KHDRBS3: variants seen among roughly 807,000 people sequenced by gnomAD.
The protein encoded by KHDRBS3 is KH domain-containing, RNA-binding, signal transduction-associated protein 3.
Under a neutral mutation model 45.6 loss-of-function variants are expected in KHDRBS3, and 23 were observed. The ratio of observed to expected loss-of-function variants is 0.50; its 90% CI spans 0.36 to 0.72. The LOEUF (loss-of-function observed/expected upper bound fraction) is 0.72. KHDRBS3 is among the 30% of genes least tolerant of loss of function. The probability of loss-of-function intolerance (pLI) is 0.00; values close to 1 mark genes in which losing one functional copy is unlikely to be tolerated. For synonymous variants in KHDRBS3, 162 were observed against 156.5 expected, an observed-to-expected ratio of 1.04 and a Z score of -0.26; for missense variants, 352 against 424.8, an observed-to-expected ratio of 0.83 and a Z score of 1.51.
chr8:135,599,091 CTGT>C (rs1445963336), intron 6 of KHDRBS3, among the ~76,000 whole-genome samples: 1 of 152,140 alleles, frequency 6.6e-6, no homozygotes, highest in African/African-American at 2.4e-5. Flanking sequence ...CAAGATTTCT[CTGT>C]TGTTTGGCCA....
chr8:135,568,937 G>A (rs1261306567), intron 5 of KHDRBS3, among the ~76,000 whole-genome samples: 3 of 151,974 alleles, frequency 2.0e-5, no homozygotes, highest in Non-Finnish European at 4.4e-5. Context: ...AGTTTATATT[G>A]AAGAACCATG....
intron 1 of KHDRBS3, among the ~76,000 whole-genome samples, chr8:135,509,042 T>G (rs1563730922): frequency 6.6e-6 from 1 of 152,194 alleles, no homozygotes; most frequent in Non-Finnish European, 1.5e-5. Flanking sequence ...TCTCAGTCAT[T>G]TGTTGTCCTC....
intron 5 of KHDRBS3, among the ~76,000 whole-genome samples, chr8:135,559,475 C>A (rs562902318): frequency 1.3e-5 from 2 of 152,268 alleles, no homozygotes; most frequent in East Asian, 3.9e-4. Context: ...GCCTCAGCCT[C>A]CCGAGTAGCT....
Position 135,494,273 on chromosome 8 carries a change from A to ATTTTTTTTTTTT in KHDRBS3, c.89-26952_89-26941dup, listed in dbSNP as rs386414089. Among the ~76,000 whole-genome samples, 6 of 78,624 alleles carry ATTTTTTTTTTTT rather than the reference A, an allele frequency of 7.6e-5. 1 individual carries two copies. Among genetic ancestry groups the ATTTTTTTTTTTT allele is most frequent in the African/African-American group, 2.8e-4 (5 of 17,620 alleles). 51.6% of individuals were successfully genotyped at this position (78,624 alleles called of 152,430 possible). A position where few individuals can be genotyped will look rare whatever the true frequency, so the allele number is the denominator to read the frequency against. On this transcript the variant is annotated intron_variant, in intron 1 of 8. Coordinates refer to ENST00000355849, the MANE Select transcript of KHDRBS3 (RefSeq NM_006558.3). ...TATTTTTTCCTCTTCTGTTTCTCTT[A>ATTTTTTTTTTTT]TTTTTTTTTTTTTTTTTTTTTTTGA... is the stretch of plus-strand genomic sequence containing the variant.
intron 1 of KHDRBS3, among the ~76,000 whole-genome samples, chr8:135,506,455 G>A (rs2130546325): frequency 2.7e-5 from 4 of 150,416 alleles, no homozygotes; most frequent in Middle Eastern, 6.8e-3. Context: ...CCAGGCTGGA[G>A]TGTAGTGGCG....
At chr8:135,550,669 C>G (rs1826543226) in intron 4 of KHDRBS3, among the ~76,000 whole-genome samples, 1 of 151,858 alleles carries the variant, frequency 6.6e-6, no homozygotes, top group Non-Finnish European at 1.5e-5. Flanking sequence ...AATTGTCCAC[C>G]TTTGTTCTTT....
chr8:135,578,444 A>G (rs543667637), intron 5 of KHDRBS3, among the ~76,000 whole-genome samples: 4 of 148,774 alleles, frequency 2.7e-5, no homozygotes, highest in Admixed American at 2.7e-4. Flanking sequence ...TAGCTTATTG[A>G]TATTCACTTG....
chr8:135,492,512 T>C (rs1586601680), intron 1 of KHDRBS3, among the ~76,000 whole-genome samples: 1 of 81,184 alleles, frequency 1.2e-5, no homozygotes, highest in African/African-American at 4.1e-5. Context: ...TACATATATA[T>C]ATACATATAT....
At chr8:135,642,527 A>G (rs1563827787) in intron 7 of KHDRBS3, among the ~76,000 whole-genome samples, 1 of 152,206 alleles carries the variant, frequency 6.6e-6, no homozygotes, top group South Asian at 2.1e-4. Flanking sequence ...CTGTGGCTAC[A>G]TGTACCTCTG....
intron 7 of KHDRBS3, among the ~76,000 whole-genome samples, chr8:135,643,853 G>A (rs975671931): frequency 3.3e-5 from 5 of 152,320 alleles, no homozygotes; most frequent in African/African-American, 7.2e-5. Flanking sequence ...ATCCGAGGCC[G>A]GGGGTGATGT....
intron 5 of KHDRBS3, among the ~76,000 whole-genome samples, chr8:135,565,956 T>C (rs1444846947): frequency 6.6e-6 from 1 of 152,252 alleles, no homozygotes; most frequent in Non-Finnish European, 1.5e-5. Flanking sequence ...ATTAGTTTTT[T>C]GCCTAAGGTT....
chr8:135,652,142 G>GA (rs1164577990), downstream of KHDRBS3, among the ~76,000 whole-genome samples: 4 of 152,080 alleles, frequency 2.6e-5, no homozygotes, highest in Non-Finnish European at 5.9e-5. Context: ...GGACAGAAAG[G>GA]AAAAAATCCA....
At chr8:135,510,302 T>C (rs1164698074) in intron 1 of KHDRBS3, among the ~76,000 whole-genome samples, 1 of 152,134 alleles carries the variant, frequency 6.6e-6, no homozygotes, top group African/African-American at 2.4e-5. Flanking sequence ...TGAGCAGACA[T>C]GAATTGGGCA....
At chr8:135,464,939 A>G (rs1821624097) in intron 1 of KHDRBS3, among the ~76,000 whole-genome samples, 2 of 152,210 alleles carry the variant, frequency 1.3e-5, no homozygotes, top group Admixed American at 6.5e-5. Context: ...CTTGTTTTTC[A>G]TGTTTTACTT....
intron 1 of KHDRBS3, among the ~76,000 whole-genome samples, chr8:135,478,192 G>T (rs1452303654): frequency 6.6e-6 from 1 of 152,190 alleles, no homozygotes; most frequent in Admixed American, 6.5e-5. Flanking sequence ...CAAGGAAAAG[G>T]ATCGGAGCCT....
chr8:135,529,375 C>A (rs1259601203), intron 2 of KHDRBS3, among the ~76,000 whole-genome samples: 1 of 152,166 alleles, frequency 6.6e-6, no homozygotes, highest in South Asian at 2.1e-4. Context: ...ACAAATATGA[C>A]AGCATTTCAG....
At chr8:135,485,144 C>G (rs931778886) in intron 1 of KHDRBS3, among the ~76,000 whole-genome samples, 3 of 152,144 alleles carry the variant, frequency 2.0e-5, no homozygotes, top group Non-Finnish European at 4.4e-5. Flanking sequence ...GACACATGAT[C>G]CATTTATCAT....
intron 2 of KHDRBS3, among the ~76,000 whole-genome samples, chr8:135,531,124 C>T (rs1825452111): frequency 6.6e-6 from 1 of 152,082 alleles, no homozygotes; most frequent in African/African-American, 2.4e-5. Context: ...TGTAAGTTAG[C>T]TTATTTCAGA....
chr8:135,560,862 T>TA, intron 5 of KHDRBS3, among the ~76,000 whole-genome samples: 1 of 152,330 alleles, frequency 6.6e-6, no homozygotes, highest in Non-Finnish European at 1.5e-5. Flanking sequence ...TTTGCGTACT[T>TA]ACGGTTACCA....
Sources: allele counts gnomAD v4.1 joint callset (sites outside exome capture counted in the v4.1 genomes callset), GRCh38; gene constraint gnomAD v4.1.1; transcripts MANE v1.5; gene names NCBI Gene and HGNC (gene_info 2026-07-23, HGNC 2026-07-21).